Variants in STXBP5 observed in about 807,000 individuals in gnomAD.
STXBP5 encodes syntaxin binding protein 5.
In STXBP5, 50 loss-of-function variants were observed where a neutral mutation model predicts 152.4. The observed-to-expected ratio is 0.33, with a 90% confidence interval of 0.26 to 0.42. STXBP5 has a LOEUF of 0.42. Ranked by LOEUF, STXBP5 falls within the 10% of genes least tolerant of loss-of-function variation. The probability of loss-of-function intolerance (pLI) is 1.00; values close to 1 mark genes in which losing one functional copy is unlikely to be tolerated. For missense variants in STXBP5, 1,167 were observed against 1,388.6 expected, an observed-to-expected ratio of 0.84 and a Z score of 2.54; for synonymous variants, 492 against 494.7, an observed-to-expected ratio of 0.99 and a Z score of 0.07.
intron 26 of STXBP5, among the ~76,000 whole-genome samples, chr6:147,380,655 AGATT>A (rs1006614985): frequency 3.3e-5 from 5 of 151,938 alleles, no homozygotes; most frequent in African/African-American, 1.2e-4. Context: ...GAAAAAAAAA[AGATT>A]GATTGGAATT....
chr6:147,350,892 G>C (rs943177905), intron 21 of STXBP5, among the ~76,000 whole-genome samples: 10 of 152,128 alleles, frequency 6.6e-5, no homozygotes, highest in African/African-American at 2.2e-4. Flanking sequence ...GATGAAACTT[G>C]AAGTTTAGAG....
At chr6:147,298,537 C>T (rs1781646452) in intron 9 of STXBP5, among the ~76,000 whole-genome samples, 1 of 152,032 alleles carries the variant, frequency 6.6e-6, no homozygotes, top group Non-Finnish European at 1.5e-5. Context: ...GCATATTCTT[C>T]TGCACTGTGC....
chr6:147,255,981 A>G (rs1779342115), intron 4 of STXBP5, among the ~76,000 whole-genome samples: 1 of 152,228 alleles, frequency 6.6e-6, no homozygotes, highest in Non-Finnish European at 1.5e-5. Flanking sequence ...ATTTCAATGC[A>G]GGAACAGAAA....
At chr6:147,279,604 C>G (rs1780606136) in intron 8 of STXBP5, among the ~76,000 whole-genome samples, 1 of 152,136 alleles carries the variant, frequency 6.6e-6, no homozygotes, top group South Asian at 2.1e-4. Context: ...TACTTTACCA[C>G]TGCTTTGTGA....
At chr6:147,293,483 T>A (rs62435619) in intron 9 of STXBP5, 1 of 152,262 alleles carries the variant, frequency 6.6e-6, no homozygotes. Context: ...AGAATCAGCC[T>A]CTATTCATTA....
chr6:147,205,098 C>T (rs1045512572), intron 1 of STXBP5, among the ~76,000 whole-genome samples: 2 of 152,094 alleles, frequency 1.3e-5, no homozygotes, highest in African/African-American at 4.8e-5. Flanking sequence ...TCTACCACAC[C>T]TTTGCTCATC....
Position 147,359,172 on chromosome 6 carries a change from T to C in STXBP5, c.2394T>C (p.His798=), listed in dbSNP as rs1160651843. ...CCCGAGAAGCGATCTCCGCTCTTCATTTCTGTGAAACGTTTACTCGAAAGA... is the reference window on the plus strand; with the variant it reads ...CCCGAGAAGCGATCTCCGCTCTTCACTTCTGTGAAACGTTTACTCGAAAGA... ...KESREAISAL[H]FCETFTRKTD... is the part of the protein sequence containing the mutation. The change falls in exon 23 of 28, where the codon CAT becomes CAC. Residue 798 remains histidine, a synonymous_variant. Coordinates refer to ENST00000321680, the MANE Select transcript of STXBP5 (RefSeq NM_001127715.4). The C allele has an allele frequency of 6.2e-7, 1 of 1,614,110 alleles. No individual in the cohort carries two copies. Among genetic ancestry groups the C allele is most frequent in the Non-Finnish European group, 8.5e-7 (1 of 1,179,952 alleles).
At chr6:147,280,406 C>T (rs190732553) in intron 8 of STXBP5, among the ~76,000 whole-genome samples, 89 of 152,102 alleles carry the variant, frequency 5.9e-4, no homozygotes, top group Admixed American at 2.6e-3. Context: ...ATATCCTGAT[C>T]CTTTGGTTAA....
chr6:147,314,612 G>A lies in STXBP5; in HGVS notation c.1378G>A (p.Val460Ile). 1.2e-6 allele frequency: 2 copies of A among 1,608,740 alleles called. No homozygotes were observed. The highest frequency in any genetic ancestry group is 1.1e-5 in the South Asian group (1 of 89,722). The change falls in exon 14 of 28, where the codon GTT becomes ATT. Residue 460 changes from valine (V) to isoleucine (I), a missense_variant. Val to Ile is a conservative substitution (Grantham distance 29). This residue lies in a region of STXBP5 where 833 missense variants were observed against 986.3 expected (regional missense o/e 0.84). Transcript: ENST00000321680. ...IIITGHADGS[V>I]KFWDASAITL... ...TTTTCTTAGGCATGCTGATGGGTCA[G>A]TTAAGTTCTGGGATGCTTCTGCAAG...
intron 18 of STXBP5, among the ~76,000 whole-genome samples, chr6:147,331,804 T>TAAAAAAA (rs1562250948): frequency 1.8e-5 from 2 of 110,390 alleles, no homozygotes. Flanking sequence ...TTTCTACCAG[T>TAAAAAAA]TAAAAAAAAA....
At chr6:147,338,718 A>G (rs1443746866) in intron 19 of STXBP5, among the ~76,000 whole-genome samples, 1 of 16,594 alleles carries the variant, frequency 6.0e-5, no homozygotes, top group Non-Finnish European at 1.3e-4. Flanking sequence ...TTTCTATGAT[A>G]TGTAGTAGAA....
At chr6:147,289,945 A>C (rs972675993) in intron 8 of STXBP5, among the ~76,000 whole-genome samples, 1 of 152,240 alleles carries the variant, frequency 6.6e-6, no homozygotes, top group Non-Finnish European at 1.5e-5. Context: ...TCATGCCTGT[A>C]ATCCCAGCAC....
At chr6:147,311,597 T>C in intron 11 of STXBP5, 70 bp downstream of exon 11, 1 of 1,182,546 alleles carries the variant, frequency 8.5e-7, no homozygotes, top group Non-Finnish European at 1.2e-6. Flanking sequence ...TATCATAGCA[T>C]TAGCTATTTC....
chr6:147,210,486 AT>A (rs1776791883), intron 2 of STXBP5, among the ~76,000 whole-genome samples: 2 of 152,036 alleles, frequency 1.3e-5, no homozygotes, highest in South Asian at 4.2e-4. Flanking sequence ...TTGTCCATTT[AT>A]TTTCTGTCAG....
intron 2 of STXBP5, among the ~76,000 whole-genome samples, chr6:147,221,095 A>C (rs1259135327): frequency 6.6e-6 from 1 of 152,060 alleles, no homozygotes; most frequent in Non-Finnish European, 1.5e-5. Flanking sequence ...AATATGCAGT[A>C]TATATTTACT....
intron 16 of STXBP5, among the ~76,000 whole-genome samples, chr6:147,323,053 C>T (rs1783017297): frequency 6.6e-6 from 1 of 151,664 alleles, no homozygotes; most frequent in African/African-American, 2.4e-5. Flanking sequence ...CTCTTTATCC[C>T]TCCCTCCCTC....
intron 4 of STXBP5, among the ~76,000 whole-genome samples, chr6:147,245,186 A>C (rs1778752383): frequency 6.6e-6 from 1 of 151,754 alleles, no homozygotes; most frequent in South Asian, 2.1e-4. Context: ...ACTGTCTCCA[A>C]ATACTGTCAC....
chr6:147,322,180 T>C (rs951919662), intron 16 of STXBP5, among the ~76,000 whole-genome samples: 2 of 152,154 alleles, frequency 1.3e-5, no homozygotes, highest in Non-Finnish European at 2.9e-5. Context: ...ACCTAATTCA[T>C]AGAAGTAGAA....
chr6:147,227,789 A>C (rs1732014956), intron 2 of STXBP5, among the ~76,000 whole-genome samples: 1 of 152,194 alleles, frequency 6.6e-6, no homozygotes, highest in African/African-American at 2.4e-5. Flanking sequence ...ATGGGTGAAC[A>C]GTACGTATTA....
Sources: gnomAD v4.1 joint callset for allele counts (sites outside exome capture counted in the v4.1 genomes callset) on GRCh38, gnomAD v4.1.1 for gene constraint, gnomAD v4.1.1 regional missense constraint, MANE v1.5 for transcripts, NCBI Gene and HGNC (gene_info 2026-07-23, HGNC 2026-07-21) for gene names.